ASXL2: variants seen among roughly 807,000 people sequenced by gnomAD.
ASXL2 encodes the protein ASXL transcriptional regulator 2, also known as putative Polycomb group protein ASXL2.
In ASXL2, 23 loss-of-function variants were observed where a neutral mutation model predicts 122.0. The observed-to-expected ratio is 0.19, with a 90% CI of 0.14 to 0.27. The LOEUF (loss-of-function observed/expected upper bound fraction) is 0.27, where lower values mean the gene tolerates loss of function less well. Among genes scored for constraint, ASXL2 ranks in the 10% least tolerant of loss-of-function variants. The probability of loss-of-function intolerance (pLI) is 1.00; values close to 1 mark genes in which losing one functional copy is unlikely to be tolerated. For synonymous variants in ASXL2, 650 were observed against 637.0 expected, an observed-to-expected ratio of 1.02 and a Z score of -0.31; for missense variants, 1,518 against 1,713.8, an observed-to-expected ratio of 0.89 and a Z score of 2.02.
chr2:25,874,622 G>A (rs190023909), intron 1 of ASXL2, among the ~76,000 whole-genome samples: 28 of 152,144 alleles, frequency 1.8e-4, no homozygotes, highest in Admixed American at 9.8e-4. Context: ...CTGCACTTTA[G>A]CCTTGGTGAC....
chr2:25,859,774 G>A (rs779092879), intron 1 of ASXL2, among the ~76,000 whole-genome samples: 8 of 152,174 alleles, frequency 5.3e-5, no homozygotes, highest in Non-Finnish European at 1.0e-4. Flanking sequence ...TCTGTTCTCA[G>A]ACTACAGTGG....
chr2:25,870,665 C>A (rs1022435322), intron 1 of ASXL2, among the ~76,000 whole-genome samples: 2 of 151,992 alleles, frequency 1.3e-5, no homozygotes, highest in Non-Finnish European at 2.9e-5. Flanking sequence ...CAGAGCAAGA[C>A]CCCACCTCAA....
intron 11 of ASXL2, among the ~76,000 whole-genome samples, chr2:25,751,372 G>T (rs1339002337): frequency 1.3e-5 from 2 of 152,212 alleles, no homozygotes; most frequent in Non-Finnish European, 2.9e-5. Flanking sequence ...AGGCACAGTG[G>T]CTCATGCCTG....
chr2:25,858,583 C>T (rs1035394534), intron 1 of ASXL2, among the ~76,000 whole-genome samples: 3 of 151,310 alleles, frequency 2.0e-5, no homozygotes, highest in African/African-American at 7.3e-5. Context: ...ATTAGCCGGG[C>T]GTGGTAGTAC....
At chr2:25,794,156 C>A (rs543778565) in intron 5 of ASXL2, among the ~76,000 whole-genome samples, 25 of 152,264 alleles carry the variant, frequency 1.6e-4, no homozygotes, top group Admixed American at 2.6e-4. Context: ...CAATATATAT[C>A]AAATTCCTGA....
intron 3 of ASXL2, among the ~76,000 whole-genome samples, chr2:25,819,170 T>A (rs2089277620): frequency 1.3e-5 from 2 of 152,158 alleles, no homozygotes; most frequent in South Asian, 4.1e-4. Context: ...AGGTAAAAAC[T>A]CAGCCCTGAC....
At chr2:25,752,655 C>A (rs1160603099) in intron 11 of ASXL2, among the ~76,000 whole-genome samples, 2 of 151,378 alleles carry the variant, frequency 1.3e-5, no homozygotes, top group Non-Finnish European at 2.9e-5. Flanking sequence ...CGAGACCAGC[C>A]TGGCCAACAT....
In ASXL2 at chr2:25,750,336, T is replaced by G; in HGVS notation, c.1220A>C (p.Glu407Ala). 1.9e-6 allele frequency: 3 copies of G among 1,613,904 alleles called. No homozygotes were observed. The highest frequency in any genetic ancestry group is 2.5e-6 in the Non-Finnish European group (3 of 1,179,864). The change falls in exon 12 of 13, where the codon GAA becomes GCA. Residue 407 changes from glutamate (E) to alanine (A), a missense_variant. Physicochemically the swap from Glu to Ala is moderately radical, Grantham distance 107. Coordinates refer to ENST00000435504, the MANE Select transcript of ASXL2 (RefSeq NM_018263.6). Reference protein sequence around the residue: ...SDPKVKKTPAEQPKSMPVSEA... With the variant: ...SDPKVKKTPAAQPKSMPVSEA... ...TGACACAGGCATGGATTTTGGTTGT[T>G]CAGCTGGGGTTTTCTTTACTTTGGG...
intron 5 of ASXL2, among the ~76,000 whole-genome samples, chr2:25,773,860 G>A (rs929243780): frequency 3.3e-5 from 5 of 150,092 alleles, no homozygotes; most frequent in Admixed American, 2.7e-4. Context: ...GTGAAACCCC[G>A]CCTCTACTAA....
chr2:25,826,188 T>C (rs992888012), intron 3 of ASXL2, among the ~76,000 whole-genome samples: 1 of 152,242 alleles, frequency 6.6e-6, no homozygotes, highest in African/African-American at 2.4e-5. Flanking sequence ...TGGGGGGCTC[T>C]TTGTTTTCCT....
chr2:25,846,319 GCAAGGGGTCCTA>G (rs917053584), intron 1 of ASXL2, among the ~76,000 whole-genome samples: 2 of 152,096 alleles, frequency 1.3e-5, no homozygotes, highest in African/African-American at 4.8e-5. Flanking sequence ...GGCTAACCTT[GCAAGGGGTCCTA>G]CAAGCATGGG....
intron 5 of ASXL2, among the ~76,000 whole-genome samples, chr2:25,798,889 C>T (rs1356421575): frequency 1.3e-5 from 2 of 152,204 alleles, no homozygotes; most frequent in African/African-American, 2.4e-5. Flanking sequence ...CATCGTTATA[C>T]ATTTGTTCAA....
chr2:25,793,028 A>AGAT (rs1382507194), intron 5 of ASXL2, among the ~76,000 whole-genome samples: 1 of 151,864 alleles, frequency 6.6e-6, no homozygotes, highest in Non-Finnish European at 1.5e-5. Context: ...TGAGGCGGGC[A>AGAT]GATCACTTGA....
chr2:25,855,828 T>C (rs1234583287), intron 1 of ASXL2, among the ~76,000 whole-genome samples: 1 of 127,768 alleles, frequency 7.8e-6, no homozygotes, highest in Non-Finnish European at 1.7e-5. Flanking sequence ...AGAGCGAGAC[T>C]CCGTCTCAAA....
intron 1 of ASXL2, among the ~76,000 whole-genome samples, chr2:25,858,441 T>C (rs1326737948): frequency 6.6e-6 from 1 of 151,972 alleles, no homozygotes; most frequent in Non-Finnish European, 1.5e-5. Context: ...AAATTTTTTT[T>C]TGGACAGGCA....
intron 3 of ASXL2, among the ~76,000 whole-genome samples, chr2:25,817,920 GA>G (rs2089257512): frequency 6.6e-6 from 1 of 152,170 alleles, no homozygotes; most frequent in Non-Finnish European, 1.5e-5. Context: ...ATGAAGCTGA[GA>G]AAACTAGTGG....
At chr2:25,827,897 T>G (rs1447298402) in intron 3 of ASXL2, among the ~76,000 whole-genome samples, 1 of 152,160 alleles carries the variant, frequency 6.6e-6, no homozygotes, top group Non-Finnish European at 1.5e-5. Flanking sequence ...TTGGAAATTT[T>G]TTGTTGTTGT....
At chr2:25,792,054 T>C (rs369809592) in intron 5 of ASXL2, among the ~76,000 whole-genome samples, 1 of 152,218 alleles carries the variant, frequency 6.6e-6, no homozygotes, top group Non-Finnish European at 1.5e-5. Context: ...TGGAATGCAG[T>C]GGTCCCATTA....
At chr2:25,855,961 T>C (rs943526450) in intron 1 of ASXL2, among the ~76,000 whole-genome samples, 6 of 151,386 alleles carry the variant, frequency 4.0e-5, no homozygotes, top group Non-Finnish European at 8.8e-5. Context: ...TGGCGTGATC[T>C]CAGCTCACCA....
Sources: allele counts gnomAD v4.1 joint callset (sites outside exome capture counted in the v4.1 genomes callset), GRCh38; gene constraint gnomAD v4.1.1; transcripts MANE v1.5; gene names NCBI Gene and HGNC (gene_info 2026-07-23, HGNC 2026-07-21).